Variants in PPIP5K2 observed in about 807,000 individuals in gnomAD.
PPIP5K2 encodes the protein inositol hexakisphosphate and diphosphoinositol-pentakisphosphate kinase 2.
Under a neutral mutation model 154.6 loss-of-function variants are expected in PPIP5K2, and 105 were observed. The ratio of observed to expected loss-of-function variants is 0.68; its 90% CI spans 0.58 to 0.80. The LOEUF is 0.80. Ranked by LOEUF, PPIP5K2 falls within the 30% of genes least tolerant of loss-of-function variation. The pLI is 0.00. For missense variants in PPIP5K2, 992 were observed against 1,504.6 expected (o/e 0.66, Z 5.64); for synonymous variants, 480 against 490.3 (o/e 0.98, Z 0.28).
chr5:103,151,157 G>T, intron 8 of PPIP5K2, 96 bp from the exon 9 acceptor site: 1 of 984,866 alleles, frequency 1.0e-6, no homozygotes, highest in Non-Finnish European at 1.4e-6. Flanking sequence ...ATACTTTTAA[G>T]CATTTATAAA....
chr5:103,140,221 CATAG>C, intron 5 of PPIP5K2, among the ~76,000 whole-genome samples: 1 of 148,752 alleles, frequency 6.7e-6, no homozygotes, highest in East Asian at 1.9e-4. Flanking sequence ...TTAAAGAGAA[CATAG>C]ATCATGGTAG....
At chr5:103,153,988 A>G (rs1208327555) in intron 11 of PPIP5K2, 54 bp downstream of exon 11, 15 of 1,313,892 alleles carry the variant, frequency 1.1e-5, no homozygotes, top group Non-Finnish European at 1.6e-5. Context: ...AAGATTTCTG[A>G]TAAGTGATCA....
At position 103,177,327 on chromosome 5, in the gene PPIP5K2, G is replaced by T. The variant is rs1181665767; in HGVS notation, c.2530-340G>T. On this transcript the variant is annotated intron_variant, in intron 21 of 30. Transcript: ENST00000358359. The stretch of plus-strand genomic sequence containing the variant: ...TACTTGCATTATACTTACTGGTTTA[G>T]CATCCCTAATCTGAAAACCCAAAAT... 5.9e-5 allele frequency among the ~76,000 whole-genome samples: 9 copies of T among 151,852 alleles called. No individual in the cohort carries two copies. In the East Asian group the frequency reaches 1.7e-3, roughly 29 times the overall value.
chr5:103,161,784 AC>A (rs1269666148), intron 17 of PPIP5K2, among the ~76,000 whole-genome samples: 1 of 151,708 alleles, frequency 6.6e-6, no homozygotes, highest in African/African-American at 2.4e-5. Flanking sequence ...TCCTTCACCC[AC>A]TTTTTGATGG....
chr5:103,182,255 T>C (rs1273927835), intron 24 of PPIP5K2, among the ~76,000 whole-genome samples: 4 of 152,130 alleles, frequency 2.6e-5, no homozygotes, highest in African/African-American at 9.7e-5. Context: ...GCAAAATGTA[T>C]TGTAAGTCTT....
At chr5:103,196,458 G>T (rs1200808667) in intron 30 of PPIP5K2, among the ~76,000 whole-genome samples, 2 of 152,096 alleles carry the variant, frequency 1.3e-5, no homozygotes, top group Admixed American at 6.6e-5. Flanking sequence ...CATCCCATAT[G>T]CCACACAAAG....
chr5:103,142,322 G>C (rs749880197), intron 5 of PPIP5K2, among the ~76,000 whole-genome samples: 1 of 152,178 alleles, frequency 6.6e-6, no homozygotes, highest in African/African-American at 2.4e-5. Context: ...CGGCTGCTCC[G>C]AGTGCGGGGC....
rs955146856 is a variant in PPIP5K2 at position 103,207,978 on chromosome 5, T to C, written c.*6344T>C. 1.3e-5 allele frequency: 2 copies of C among 152,152 alleles called. No homozygotes were observed. The highest frequency in any genetic ancestry group is 2.9e-5 in the Non-Finnish European group (2 of 68,038). 9.4% of individuals were successfully genotyped at this position (152,152 alleles called of 1,614,324 possible). ...ATTACTTACCTTTATATGAGATAAA[T>C]TTCTTTCTGGCTCATCTATTTGATA... On this transcript the variant is annotated 3_prime_UTR_variant, in exon 31 of 31. Coordinates refer to ENST00000358359, the MANE Select transcript of PPIP5K2 (RefSeq NM_001276277.3).
intron 24 of PPIP5K2, among the ~76,000 whole-genome samples, chr5:103,182,060 C>T (rs556358147): frequency 6.6e-6 from 1 of 152,100 alleles, no homozygotes; most frequent in East Asian, 1.9e-4. Context: ...GTTCAGGTAT[C>T]CTTAATTTCA....
At chr5:103,185,870 A>G (rs1205471786) in intron 26 of PPIP5K2, among the ~76,000 whole-genome samples, 1 of 151,878 alleles carries the variant, frequency 6.6e-6, no homozygotes, top group Admixed American at 6.6e-5. Flanking sequence ...AAGATTTGTC[A>G]TTTATAGACA....
chr5:103,187,460 A>G (rs1404287661), intron 28 of PPIP5K2, 84 bp downstream of exon 28: 2 of 1,071,778 alleles, frequency 1.9e-6, no homozygotes, highest in Non-Finnish European at 2.7e-6. Flanking sequence ...TGGGGTATAC[A>G]GTATCATTCA....
chr5:103,185,289 CTTTCTAAACTCA>C (rs1326233878), intron 26 of PPIP5K2, among the ~76,000 whole-genome samples: 1 of 152,040 alleles, frequency 6.6e-6, no homozygotes, highest in African/African-American at 2.4e-5. Context: ...TGAAAAAGAC[CTTTCTAAACTCA>C]TTTGGTTTGA....
intron 5 of PPIP5K2, among the ~76,000 whole-genome samples, chr5:103,142,044 C>G (rs561472628): frequency 6.6e-6 from 1 of 152,224 alleles, no homozygotes; most frequent in East Asian, 1.9e-4. Flanking sequence ...CACTCCTCAG[C>G]CCTTGGGTGG....
chr5:103,151,402 C>T, intron 9 of PPIP5K2, 28 bp downstream of exon 9: 1 of 1,525,694 alleles, frequency 6.6e-7, no homozygotes. Flanking sequence ...TTTCTTTTTA[C>T]CTTCATATAC....
At chr5:103,128,618 G>T (rs1450704875) in intron 1 of PPIP5K2, among the ~76,000 whole-genome samples, 2 of 152,210 alleles carry the variant, frequency 1.3e-5, no homozygotes, top group Admixed American at 6.5e-5. Flanking sequence ...TTATGTGGAA[G>T]AGTTTGAATG....
chr5:103,178,065 A>G, intron 23 of PPIP5K2, 85 bp downstream of exon 23: 1 of 854,030 alleles, frequency 1.2e-6, no homozygotes, highest in South Asian at 1.6e-5. Context: ...ATAATGTACT[A>G]TAAATAATTC....
chr5:103,125,823 G>A (rs1789574107), intron 1 of PPIP5K2, among the ~76,000 whole-genome samples: 1 of 152,134 alleles, frequency 6.6e-6, no homozygotes, highest in Admixed American at 6.5e-5. Context: ...AGCAGAGACG[G>A]GGTTTCACCA....
Position 103,209,354 on chromosome 5 carries a change from T to C in PPIP5K2, c.*7720T>C, listed in dbSNP as rs1005552582. The C allele has an allele frequency of 6.6e-6, 1 of 152,082 alleles. No individual in the cohort carries two copies. Among genetic ancestry groups the C allele is most frequent in the African/African-American group, 2.4e-5 (1 of 41,418 alleles). The allele number at this position is 152,082 out of a possible 1,614,324, so 9.4% of individuals were successfully genotyped here. A position where few individuals can be genotyped will look rare whatever the true frequency, so the allele number is the denominator to read the frequency against. ...AAGGTTATTCTAGCATCTTCTCCTT[T>C]TAAAAATCTTTAAAATAAGAGAATT... On this transcript the variant is annotated 3_prime_UTR_variant, in exon 31 of 31. Transcript: ENST00000358359.
rs1803379608 is a variant in PPIP5K2 at position 103,204,423 on chromosome 5, A to G, written c.*2789A>G. Reference sequence around the variant, plus strand: ...TCTTTTCCTGTGTTGGGAGATATCAAAACAACAGAATTCTTGCCAGTGGGA... The same window carrying G: ...TCTTTTCCTGTGTTGGGAGATATCAGAACAACAGAATTCTTGCCAGTGGGA... On this transcript the variant is annotated 3_prime_UTR_variant, in exon 31 of 31. Transcript: ENST00000358359. 6.6e-6 allele frequency: 1 copy of G among 152,162 alleles called. No individual in the cohort carries two copies. Among genetic ancestry groups the G allele is most frequent in the African/African-American group, 2.4e-5 (1 of 41,432 alleles). 9.4% of individuals were successfully genotyped at this position (152,162 alleles called of 1,614,324 possible).
Sources: allele counts gnomAD v4.1 joint callset (sites outside exome capture counted in the v4.1 genomes callset), GRCh38; gene constraint gnomAD v4.1.1; transcripts MANE v1.5; gene names NCBI Gene and HGNC (gene_info 2026-07-23, HGNC 2026-07-21).